Variants in ORC1 observed in about 807,000 individuals in gnomAD.
The protein encoded by ORC1 is origin recognition complex, subunit 1 homolog.
A neutral mutation model predicts 98.9 loss-of-function variants in ORC1; 61 were observed. That is an observed-to-expected ratio of 0.62 (90% CI 0.50 to 0.76). ORC1 has a LOEUF of 0.76. Ranked by LOEUF, ORC1 falls within the 30% of genes least tolerant of loss-of-function variation. ORC1 has a pLI of 0.00. For synonymous variants in ORC1, 385 were observed against 406.9 expected (o/e 0.95, Z 0.65); for missense variants, 979 against 1,072.2 (o/e 0.91, Z 1.21).
chr1:52,392,575 GAAGTC>G (rs1647241711), intron 6 of ORC1, among the ~76,000 whole-genome samples: 1 of 152,082 alleles, frequency 6.6e-6, no homozygotes, highest in Non-Finnish European at 1.5e-5. Context: ...CAAAGGAAAA[GAAGTC>G]ATTATATTAA....
At chr1:52,391,771 G>A (rs758770258) in intron 6 of ORC1, among the ~76,000 whole-genome samples, 7 of 151,894 alleles carry the variant, frequency 4.6e-5, no homozygotes, top group Non-Finnish European at 8.8e-5. Flanking sequence ...GGTGGTGAGT[G>A]CCTATAGTCC....
At chr1:52,374,204 G>A (rs915421234) in intron 16 of ORC1, among the ~76,000 whole-genome samples, 1 of 152,184 alleles carries the variant, frequency 6.6e-6, no homozygotes, top group African/African-American at 2.4e-5. Context: ...AAAACATGAC[G>A]AGTAGCTAAA....
At chr1:52,407,488 G>A (rs1474795646), upstream of ORC1, among the ~76,000 whole-genome samples, 1 of 152,224 alleles carries the variant, frequency 6.6e-6, no homozygotes, top group Non-Finnish European at 1.5e-5. Flanking sequence ...CACATGATTT[G>A]ACCAGTAGTG....
Position 52,388,506 on chromosome 1 carries a change from G to A in ORC1, c.1319C>T (p.Ser440Phe). Reference sequence around the variant, plus strand: ...CTTCAAGGAAGATCGCAGGTTCCTGGACACAGTTCTGGGTGCTCTCCTTGG... The same window carrying A: ...CTTCAAGGAAGATCGCAGGTTCCTGAACACAGTTCTGGGTGCTCTCCTTGG... ...PLPRRAPRTV[S>F]RNLRSSLKSS... The change falls in exon 8 of 17, where the codon TCC becomes TTC. Residue 440 changes from serine (S) to phenylalanine (F), a missense_variant. By Grantham distance (155) the Ser-to-Phe change is radical. Coordinates refer to ENST00000371568, the MANE Select transcript of ORC1 (RefSeq NM_004153.4). 6.2e-7 allele frequency: 1 copy of A among 1,614,142 alleles called. No individual in the cohort carries two copies. The highest frequency in any genetic ancestry group is 8.5e-7 in the Non-Finnish European group (1 of 1,180,018).
chr1:52,404,807 C>G (rs1164574363), upstream of ORC1: 26 of 1,614,066 alleles, frequency 1.6e-5, no homozygotes, highest in Non-Finnish European at 2.2e-5. Context: ...CCCTCAATAT[C>G]TGGTGGAGAA....
chr1:52,385,090 G>C, intron 10 of ORC1, 71 bp downstream of exon 10: 1 of 972,180 alleles, frequency 1.0e-6, no homozygotes. Flanking sequence ...TGGCTGAACT[G>C]TAACACCCAA....
intron 1 of ORC1, 52 bp from the exon 2 acceptor site, chr1:52,402,280 CTG>C: frequency 2.9e-6 from 4 of 1,356,170 alleles, no homozygotes; most frequent in African/African-American, 1.4e-5. Context: ...TGGTATTTAT[CTG>C]ATGGATTCTA....
In ORC1 at chr1:52,402,225, G is replaced by C. The variant is rs1266790301; in HGVS notation, c.-2C>G. 2 of 1,613,044 alleles carry C rather than the reference G, an allele frequency of 1.2e-6. No homozygotes were observed. Among genetic ancestry groups the C allele is most frequent in the Non-Finnish European group, 1.7e-6 (2 of 1,179,158 alleles). ...CAGCCTTGTGGGGTAGTGTGCCATG[G>C]CTTCTGTGGAAGAGTCCAAACTCTG... On this transcript the variant is annotated 5_prime_UTR_variant, in exon 2 of 17. Coordinates refer to ENST00000371568, the MANE Select transcript of ORC1 (RefSeq NM_004153.4).
Position 52,373,313 on chromosome 1 carries a change from C to T in ORC1, c.2454G>A (p.Glu818=), listed in dbSNP as rs142559489. The T allele has an allele frequency of 6.2e-7, 1 of 1,614,176 alleles. No homozygotes were observed. The highest frequency in any genetic ancestry group is 1.3e-5 in the African/African-American group (1 of 75,042). Residue 818 remains glutamate (E), a synonymous_variant, in exon 17 of 17, where the codon GAG becomes GAA. Transcript: ENST00000371568. ...MEGLPYPTMS[E]TMAVCSHLGS... is the part of the protein sequence containing the mutation. ...CCAGGTGAGAACACACGGCCATGGTCTCTGACATGGTGGGGTACGGCAGTC... is the reference window on the plus strand; with the variant it reads ...CCAGGTGAGAACACACGGCCATGGTTTCTGACATGGTGGGGTACGGCAGTC...
chr1:52,376,622 G>A (rs1024250650), intron 14 of ORC1, among the ~76,000 whole-genome samples: 62 of 151,946 alleles, frequency 4.1e-4, no homozygotes, highest in African/African-American at 1.5e-3. Context: ...TTCCTGCTTC[G>A]TCAGTTCTCC....
At chr1:52,375,326 C>T in intron 15 of ORC1, 104 bp downstream of exon 15, 1 of 1,021,930 alleles carries the variant, frequency 9.8e-7, no homozygotes, top group South Asian at 1.3e-5. Context: ...CCCTATGAAA[C>T]ATAACTGTGT....
At chr1:52,381,427 T>C (rs1289389307) in intron 14 of ORC1, among the ~76,000 whole-genome samples, 1 of 152,222 alleles carries the variant, frequency 6.6e-6, no homozygotes, top group Non-Finnish European at 1.5e-5. Flanking sequence ...CCTGAATGAA[T>C]TCATATTAGT....
chr1:52,403,869 C>A (rs1249819131), intron 1 of ORC1, among the ~76,000 whole-genome samples: 2 of 152,164 alleles, frequency 1.3e-5, no homozygotes, highest in Non-Finnish European at 2.9e-5. Flanking sequence ...ACCTCTGCTC[C>A]GCCTTCCCTG....
At chr1:52,406,484 G>A (rs1342041570), upstream of ORC1, among the ~76,000 whole-genome samples, 1 of 152,200 alleles carries the variant, frequency 6.6e-6, no homozygotes, top group Non-Finnish European at 1.5e-5. Flanking sequence ...GTTAAGAGGT[G>A]TAAGATCTGG....
chr1:52,401,228 G>A (rs1484090549), intron 3 of ORC1, 134 bp downstream of exon 3: 6 of 1,105,396 alleles, frequency 5.4e-6, no homozygotes, highest in African/African-American at 3.1e-5. Flanking sequence ...GGAAGAAGAC[G>A]CAGCTAGTTC....
chr1:52,378,835 C>T (rs565924288), intron 14 of ORC1, among the ~76,000 whole-genome samples: 29 of 151,950 alleles, frequency 1.9e-4, no homozygotes, highest in African/African-American at 6.3e-4. Flanking sequence ...AGATTGAGAC[C>T]ATCCTGGCTA....
At chr1:52,374,000 A>C (rs186280361) in intron 16 of ORC1, among the ~76,000 whole-genome samples, 23 of 152,306 alleles carry the variant, frequency 1.5e-4, no homozygotes, top group Admixed American at 8.5e-4. Flanking sequence ...AATATCTATG[A>C]GTCTATCCCC....
At chr1:52,393,928 T>C (rs1181308873) in intron 5 of ORC1, 125 bp from the exon 6 acceptor site, 10 of 1,099,292 alleles carry the variant, frequency 9.1e-6, no homozygotes, top group African/African-American at 1.6e-5. Context: ...TTTTAATCAT[T>C]CCAGGCTTGC....
chr1:52,384,418 G>A, intron 11 of ORC1, 132 bp downstream of exon 11: 1 of 843,842 alleles, frequency 1.2e-6, no homozygotes, highest in Non-Finnish European at 2.0e-6. Flanking sequence ...CCTTGCCCTT[G>A]CTACCTCTAC....
Sources: gnomAD v4.1 joint callset for allele counts (sites outside exome capture counted in the v4.1 genomes callset) on GRCh38, gnomAD v4.1.1 for gene constraint, MANE v1.5 for transcripts, NCBI Gene and HGNC (gene_info 2026-07-23, HGNC 2026-07-21) for gene names.